Variants in NAV2 observed in about 807,000 individuals in gnomAD.
NAV2 encodes neuron navigator 2, also known as helicase, APC down-regulated 1.
NAV2 carries 54 observed loss-of-function variants against 223.2 expected under a neutral mutation model. The ratio of observed to expected loss-of-function variants is 0.24; its 90% confidence interval spans 0.19 to 0.30. The LOEUF (loss-of-function observed/expected upper bound fraction) is 0.30. NAV2 is among the 10% of genes least tolerant of loss of function. The probability of loss-of-function intolerance (pLI) is 1.00; values close to 1 mark genes in which losing one functional copy is unlikely to be tolerated. For synonymous variants in NAV2, 1,279 were observed against 1,239.3 expected, an observed-to-expected ratio of 1.03 and a Z score of -0.67; for missense variants, 2,806 against 3,147.5, an observed-to-expected ratio of 0.89 and a Z score of 2.60.
At position 19,972,222 on chromosome 11, in the gene NAV2, C is replaced by T. The variant is rs2049309799; in HGVS notation, c.2646-11903C>T. ...TGAACATACTTTTCAAATTCCTGCT[C>T]CCTCCCTGGAGATAGGATCATTCCT... On this transcript the variant is annotated intron_variant, in intron 10 of 37. Coordinates refer to ENST00000349880, the MANE Select transcript of NAV2 (RefSeq NM_145117.5). 3.3e-5 allele frequency among the ~76,000 whole-genome samples: 5 copies of T among 152,300 alleles called. No individual in the cohort carries two copies. The South Asian group carries it at 1.0e-3, about 32-fold the overall frequency.
intron 1 of NAV2, among the ~76,000 whole-genome samples, chr11:19,515,217 A>C (rs571196461): frequency 1.2e-3 from 186 of 152,320 alleles, no homozygotes; most frequent in African/African-American, 4.2e-3. Flanking sequence ...ACATAGCACA[A>C]TGTCTGGTAC....
At chr11:19,898,692 G>A (rs747665170) in intron 6 of NAV2, among the ~76,000 whole-genome samples, 12 of 152,066 alleles carry the variant, frequency 7.9e-5, no homozygotes, top group Non-Finnish European at 1.3e-4. Context: ...TGTAATTGCT[G>A]TATCAAAGGG....
intron 1 of NAV2, among the ~76,000 whole-genome samples, chr11:19,696,383 A>G (rs1375046671): frequency 6.6e-6 from 1 of 152,208 alleles, no homozygotes; most frequent in Non-Finnish European, 1.5e-5. Flanking sequence ...TCCTAGAGTA[A>G]ATGTCCAAAC....
At chr11:20,015,210 G>A (rs149825865) in intron 11 of NAV2, among the ~76,000 whole-genome samples, 20 of 152,236 alleles carry the variant, frequency 1.3e-4, no homozygotes, top group South Asian at 4.1e-4. Context: ...AAATAGGCAC[G>A]ATAGCCTCAC....
chr11:19,436,966 T>A (rs1441527640), intron 1 of NAV2, among the ~76,000 whole-genome samples: 1 of 152,208 alleles, frequency 6.6e-6, no homozygotes, highest in Admixed American at 6.5e-5. Context: ...TTATAAGTTA[T>A]AACACATTTT....
chr11:19,920,294 T>C (rs1394207347), intron 6 of NAV2, among the ~76,000 whole-genome samples: 4 of 152,218 alleles, frequency 2.6e-5, no homozygotes, highest in Non-Finnish European at 4.4e-5. Flanking sequence ...GTTAAATTAT[T>C]ATTTATTTAT....
At chr11:19,511,924 C>T (rs888491871) in intron 1 of NAV2, among the ~76,000 whole-genome samples, 2 of 152,204 alleles carry the variant, frequency 1.3e-5, no homozygotes, top group African/African-American at 2.4e-5. Flanking sequence ...GAAAACCAAA[C>T]GCCTGTCCAA....
intron 1 of NAV2, among the ~76,000 whole-genome samples, chr11:19,524,132 T>C (rs1314640330): frequency 6.6e-6 from 1 of 152,188 alleles, no homozygotes; most frequent in Non-Finnish European, 1.5e-5. Context: ...CCCCTGAGGG[T>C]AGGGACCCTG....
At chr11:19,702,518 C>T (rs1342039669) in intron 1 of NAV2, among the ~76,000 whole-genome samples, 1 of 152,164 alleles carries the variant, frequency 6.6e-6, no homozygotes, top group Admixed American at 6.5e-5. Context: ...AGCACACACA[C>T]CTGTAATCAC....
At chr11:19,700,188 T>C (rs538316206) in intron 1 of NAV2, among the ~76,000 whole-genome samples, 1 of 152,326 alleles carries the variant, frequency 6.6e-6, no homozygotes, top group South Asian at 2.1e-4. Flanking sequence ...GTGTTTTACC[T>C]ATATTCATTT....
At chr11:19,347,907 G>C (rs756329028), upstream of NAV2, among the ~76,000 whole-genome samples, 3 of 152,158 alleles carry the variant, frequency 2.0e-5, no homozygotes, top group Non-Finnish European at 4.4e-5. Flanking sequence ...TGCCCAGTCA[G>C]GAAATAGACT....
At chr11:19,965,967 A>G (rs1336771357) in intron 10 of NAV2, among the ~76,000 whole-genome samples, 2 of 152,248 alleles carry the variant, frequency 1.3e-5, no homozygotes, top group Non-Finnish European at 2.9e-5. Flanking sequence ...CTTGAAGGTT[A>G]AGATGGCTGC....
At chr11:19,849,654 C>T (rs987031162) in intron 3 of NAV2, among the ~76,000 whole-genome samples, 1 of 152,222 alleles carries the variant, frequency 6.6e-6, no homozygotes, top group Non-Finnish European at 1.5e-5. Context: ...GATCCTTGGG[C>T]AGCTGAGTTG....
At chr11:19,905,342 G>A (rs1261227024) in intron 6 of NAV2, among the ~76,000 whole-genome samples, 1 of 147,888 alleles carries the variant, frequency 6.8e-6, no homozygotes, top group Admixed American at 6.8e-5. Flanking sequence ...CACATGTGTG[G>A]TTTCCACCAT....
intron 1 of NAV2, among the ~76,000 whole-genome samples, chr11:19,391,867 T>G (rs551806820): frequency 1.3e-5 from 2 of 152,358 alleles, no homozygotes; most frequent in South Asian, 4.1e-4. Flanking sequence ...GTTCCCCTGC[T>G]GTGTCTCCAC....
chr11:19,431,700 G>A (rs1359063013), intron 1 of NAV2, among the ~76,000 whole-genome samples: 3 of 152,200 alleles, frequency 2.0e-5, no homozygotes, highest in African/African-American at 7.2e-5. Context: ...TCGGAAGATA[G>A]AATTTAGATT....
At chr11:20,056,054 C>T in intron 19 of NAV2, 97 bp downstream of exon 19, 1 of 1,152,506 alleles carries the variant, frequency 8.7e-7, no homozygotes, top group Admixed American at 2.3e-5. Flanking sequence ...ACTTCCTTAA[C>T]CTGAGAGCCC....
intron 10 of NAV2, among the ~76,000 whole-genome samples, chr11:19,958,514 G>T (rs2048076584): frequency 6.6e-6 from 1 of 152,190 alleles, no homozygotes; most frequent in African/African-American, 2.4e-5. Context: ...GGGCTGTGGA[G>T]TTTGACCTGC....
intron 1 of NAV2, among the ~76,000 whole-genome samples, chr11:19,463,931 G>T (rs917375327): frequency 6.6e-6 from 1 of 152,188 alleles, no homozygotes; most frequent in African/African-American, 2.4e-5. Flanking sequence ...GAGCAGGCAG[G>T]TGAGTGTCTG....
Sources: gnomAD v4.1 joint callset for allele counts (sites outside exome capture counted in the v4.1 genomes callset) on GRCh38, gnomAD v4.1.1 for gene constraint, MANE v1.5 for transcripts, NCBI Gene and HGNC (gene_info 2026-07-23, HGNC 2026-07-21) for gene names.